PTCHD4: variants seen among roughly 807,000 people sequenced by gnomAD.
PTCHD4 encodes patched domain-containing protein 4.
A neutral mutation model predicts 58.1 loss-of-function variants in PTCHD4; 33 were observed. The ratio of observed to expected loss-of-function variants is 0.57; its 90% CI spans 0.43 to 0.76. The LOEUF (loss-of-function observed/expected upper bound fraction) is 0.76. Among genes scored for constraint, PTCHD4 ranks in the 30% least tolerant of loss-of-function variants. The pLI is 0.00. For synonymous variants in PTCHD4, 478 were observed against 409.6 expected, an observed-to-expected ratio of 1.17 and a Z score of -2.02; for missense variants, 1,058 against 1,027.1, an observed-to-expected ratio of 1.03 and a Z score of -0.41.
chr6:47,960,450 T>G (rs1336949988), intron 4 of PTCHD4, among the ~76,000 whole-genome samples: 1 of 152,122 alleles, frequency 6.6e-6, no homozygotes, highest in Non-Finnish European at 1.5e-5. Flanking sequence ...AACTGTATTT[T>G]GTCTACAAGA....
intron 4 of PTCHD4, among the ~76,000 whole-genome samples, chr6:47,938,381 T>TA (rs1232802692): frequency 6.6e-6 from 1 of 152,148 alleles, no homozygotes; most frequent in South Asian, 2.1e-4. Context: ...AGAACACCTC[T>TA]AGGCATCAAC....
intron 1 of PTCHD4, among the ~76,000 whole-genome samples, chr6:48,080,711 A>G (rs534015482): frequency 1.8e-3 from 276 of 152,344 alleles, no homozygotes; most frequent in African/African-American, 6.5e-3. Flanking sequence ...TATAAATGTC[A>G]CTAAGGATAA....
At chr6:48,003,425 C>T (rs1200147536) in intron 4 of PTCHD4, among the ~76,000 whole-genome samples, 1 of 152,106 alleles carries the variant, frequency 6.6e-6, no homozygotes, top group Non-Finnish European at 1.5e-5. Flanking sequence ...ATTGACAATT[C>T]TTTTTCTCTT....
chr6:48,100,869 A>G (rs975506082), intron 1 of PTCHD4, among the ~76,000 whole-genome samples: 1 of 152,202 alleles, frequency 6.6e-6, no homozygotes, highest in South Asian at 2.1e-4. Context: ...CAAGAGAACA[A>G]CTTAGGTAAC....
At chr6:47,880,384 A>G (rs1053553026) in intron 4 of PTCHD4, among the ~76,000 whole-genome samples, 2 of 152,150 alleles carry the variant, frequency 1.3e-5, no homozygotes, top group African/African-American at 4.8e-5. Flanking sequence ...GCTGATTTAT[A>G]TGCTGATTTA....
At chr6:47,970,089 G>A (rs1018659830) in intron 4 of PTCHD4, among the ~76,000 whole-genome samples, 1 of 152,084 alleles carries the variant, frequency 6.6e-6, no homozygotes, top group African/African-American at 2.4e-5. Flanking sequence ...GACACCTATG[G>A]CTACATTTGT....
chr6:48,100,903 C>T (rs1338672382), intron 1 of PTCHD4, among the ~76,000 whole-genome samples: 1 of 151,756 alleles, frequency 6.6e-6, no homozygotes, highest in Non-Finnish European at 1.5e-5. Context: ...AAACAAATAA[C>T]CTAAAATGTT....
In PTCHD4 at chr6:47,858,873, A is replaced by T. The variant is rs1186730564; in HGVS notation, c.*19430T>A. On this transcript the variant is annotated 3_prime_UTR_variant, in exon 5 of 5. Transcript: ENST00000339488. ...CCTATAATCCTTCTTGAATCTATGA[A>T]TTTAAACTACCCCATTTCTCCTTAA... is the stretch of plus-strand genomic sequence containing the variant. Among the ~76,000 whole-genome samples, 1 of 152,088 alleles carries T rather than the reference A, an allele frequency of 6.6e-6. No homozygotes were observed. Among genetic ancestry groups the T allele is most frequent in the Non-Finnish European group, 1.5e-5 (1 of 67,984 alleles).
At chr6:47,902,051 T>C (rs1764726588) in intron 4 of PTCHD4, 2 of 537,808 alleles carry the variant, frequency 3.7e-6, no homozygotes, top group African/African-American at 2.0e-5. Context: ...ATCACCATCA[T>C]CAACAACAAC....
intron 1 of PTCHD4, among the ~76,000 whole-genome samples, chr6:48,107,986 CTTT>C (rs983355752): frequency 3.3e-5 from 5 of 152,132 alleles, no homozygotes; most frequent in African/African-American, 1.2e-4. Flanking sequence ...AATAGGAACA[CTTT>C]TACACTGTTG....
chr6:47,888,481 T>A (rs557525363), intron 4 of PTCHD4, among the ~76,000 whole-genome samples: 2 of 152,272 alleles, frequency 1.3e-5, no homozygotes, highest in African/African-American at 4.8e-5. Context: ...AGGTCTCTAA[T>A]AAGAAAAAAT....
chr6:48,034,774 G>GA (rs1763570762), intron 3 of PTCHD4, among the ~76,000 whole-genome samples: 2 of 152,088 alleles, frequency 1.3e-5, no homozygotes, highest in African/African-American at 4.8e-5. Flanking sequence ...TGCAGCCAAT[G>GA]AAAATTTTGC....
chr6:48,079,233 A>G (rs1765118424), intron 1 of PTCHD4, among the ~76,000 whole-genome samples: 1 of 152,140 alleles, frequency 6.6e-6, no homozygotes, highest in Non-Finnish European at 1.5e-5. Flanking sequence ...CCAGAGAGAA[A>G]CCTGCTTATT....
chr6:47,976,695 T>A (rs934700529), intron 4 of PTCHD4, among the ~76,000 whole-genome samples: 5 of 148,372 alleles, frequency 3.4e-5, no homozygotes, highest in African/African-American at 1.0e-4. Context: ...AATAAATAAA[T>A]AAAAATATAA....
At chr6:48,061,500 G>T (rs1764624272) in intron 3 of PTCHD4, among the ~76,000 whole-genome samples, 1 of 152,166 alleles carries the variant, frequency 6.6e-6, no homozygotes, top group Admixed American at 6.5e-5. Context: ...AATTAGGAGT[G>T]CTGAGGTCAA....
Position 48,091,097 on chromosome 6 carries a change from A to T in PTCHD4, c.-970+19952T>A, listed in dbSNP as rs536792844. Among the ~76,000 whole-genome samples, 13 of 152,324 alleles carry T rather than the reference A, an allele frequency of 8.5e-5. No homozygotes were observed. In the South Asian group the frequency reaches 2.7e-3, roughly 32 times the overall value. ...TAGCAAGGTAAACCTTGGCAAAATTATCATCATTTAGGATTACTGATGTGA... is the reference window on the plus strand; with the variant it reads ...TAGCAAGGTAAACCTTGGCAAAATTTTCATCATTTAGGATTACTGATGTGA... On this transcript the variant is annotated intron_variant, in intron 1 of 4. Coordinates refer to ENST00000339488, the MANE Select transcript of PTCHD4 (RefSeq NM_001384253.1).
intron 4 of PTCHD4, among the ~76,000 whole-genome samples, chr6:47,983,649 T>G (rs1187704961): frequency 6.6e-6 from 1 of 152,158 alleles, no homozygotes; most frequent in Non-Finnish European, 1.5e-5. Flanking sequence ...TAAAGTTACC[T>G]TAACATACTT....
intron 1 of PTCHD4, among the ~76,000 whole-genome samples, chr6:48,087,346 TCTATGA>T (rs1439564176): frequency 6.6e-6 from 1 of 152,188 alleles, no homozygotes; most frequent in African/African-American, 2.4e-5. Flanking sequence ...TGTTTTTTCC[TCTATGA>T]CTATAACTAA....
At chr6:48,108,474 G>A (rs1378014605) in intron 1 of PTCHD4, among the ~76,000 whole-genome samples, 4 of 151,930 alleles carry the variant, frequency 2.6e-5, no homozygotes, top group Admixed American at 2.6e-4. Context: ...AGCGGGGAGG[G>A]ATAGCATTAG....
Sources: gnomAD v4.1 joint callset for allele counts (sites outside exome capture counted in the v4.1 genomes callset) on GRCh38, gnomAD v4.1.1 for gene constraint, MANE v1.5 for transcripts, NCBI Gene and HGNC (gene_info 2026-07-23, HGNC 2026-07-21) for gene names.